The following EIF4G3 variants were observed in gnomAD, a reference collection of about 807,000 sequenced individuals.
EIF4G3 encodes the protein eukaryotic translation initiation factor 4 gamma 3.
A neutral mutation model predicts 186.4 loss-of-function variants in EIF4G3; 34 were observed. The ratio of observed to expected loss-of-function variants is 0.18; its 90% confidence interval spans 0.14 to 0.24. The LOEUF (loss-of-function observed/expected upper bound fraction) is 0.24. Ranked by LOEUF, EIF4G3 falls within the 10% of genes least tolerant of loss-of-function variation. The probability of loss-of-function intolerance (pLI) is 1.00; values close to 1 mark genes in which losing one functional copy is unlikely to be tolerated. For synonymous variants in EIF4G3, 673 were observed against 679.5 expected (o/e 0.99, Z 0.15); for missense variants, 1,536 against 1,948.5 (o/e 0.79, Z 3.99).
At chr1:21,096,350 T>C (rs958279590) in intron 2 of EIF4G3, among the ~76,000 whole-genome samples, 3 of 152,008 alleles carry the variant, frequency 2.0e-5, no homozygotes, top group African/African-American at 7.3e-5. Context: ...CACATGGAGG[T>C]AGAGTGTGGA....
chr1:21,139,612 A>C (rs1368885582), intron 2 of EIF4G3, among the ~76,000 whole-genome samples: 4 of 152,230 alleles, frequency 2.6e-5, no homozygotes, highest in African/African-American at 9.6e-5. Flanking sequence ...TGAACTCACT[A>C]CTGAGCATCC....
At chr1:21,073,819 T>G in intron 3 of EIF4G3, 1 of 313,206 alleles carries the variant, frequency 3.2e-6, no homozygotes, top group Admixed American at 3.6e-5. Context: ...TTTTTATTTT[T>G]TAATGGAGAC....
chr1:20,951,037 G>A (rs1264995645), intron 12 of EIF4G3, among the ~76,000 whole-genome samples: 1 of 152,010 alleles, frequency 6.6e-6, no homozygotes, highest in Non-Finnish European at 1.5e-5. Context: ...TGCTATCAGA[G>A]TAGAGCTCCC....
intron 2 of EIF4G3, among the ~76,000 whole-genome samples, chr1:21,097,065 A>G (rs756169446): frequency 2.0e-5 from 3 of 152,236 alleles, no homozygotes; most frequent in Admixed American, 6.5e-5. Flanking sequence ...ATACTTTACC[A>G]CAAAAAATAA....
At chr1:21,139,738 A>G (rs1373270722) in intron 2 of EIF4G3, among the ~76,000 whole-genome samples, 1 of 152,062 alleles carries the variant, frequency 6.6e-6, no homozygotes. Context: ...TTGCCAACTT[A>G]GAGTGCAGTG....
intron 12 of EIF4G3, among the ~76,000 whole-genome samples, chr1:20,966,179 A>G (rs1558474386): frequency 6.6e-6 from 1 of 152,152 alleles, no homozygotes; most frequent in Non-Finnish European, 1.5e-5. Flanking sequence ...AGCATAAGCA[A>G]TTATGTCTAA....
At chr1:21,154,229 A>C (rs1367588810) in intron 2 of EIF4G3, among the ~76,000 whole-genome samples, 1 of 152,202 alleles carries the variant, frequency 6.6e-6, no homozygotes, top group Non-Finnish European at 1.5e-5. Flanking sequence ...CAAACTCTCT[A>C]TATAGATCAC....
intron 4 of EIF4G3, among the ~76,000 whole-genome samples, chr1:21,039,746 T>A (rs1297367391): frequency 2.0e-5 from 3 of 152,132 alleles, no homozygotes; most frequent in Non-Finnish European, 2.9e-5. Flanking sequence ...ATAAAATATA[T>A]ATAAATCACA....
In EIF4G3 at chr1:21,132,113, G is replaced by A. The variant is rs2097164030; in HGVS notation, c.-271-42900C>T. ...TATAAATAATGTTCTCCGTATCAAA[G>A]TAAACATATTGTTAGATATTTTTAT... is the stretch of plus-strand genomic sequence containing the variant. On this transcript the variant is annotated intron_variant, in intron 2 of 36. Transcript: ENST00000602326. Among the ~76,000 whole-genome samples the A allele has an allele frequency of 2.0e-5, 3 of 152,084 alleles. No individual in the cohort carries two copies. In the South Asian group the frequency reaches 6.2e-4, roughly 32 times the overall value.
chr1:21,150,044 A>G (rs1038364262), intron 2 of EIF4G3, among the ~76,000 whole-genome samples: 1 of 152,264 alleles, frequency 6.6e-6, no homozygotes, highest in African/African-American at 2.4e-5. Flanking sequence ...TACAGTATGG[A>G]AATTCTTCCA....
chr1:20,882,579 T>C (rs1170525621), intron 19 of EIF4G3, among the ~76,000 whole-genome samples: 1 of 149,268 alleles, frequency 6.7e-6, no homozygotes, highest in Non-Finnish European at 1.5e-5. Flanking sequence ...TGAGATCGCG[T>C]CACTGTACTC....
chr1:21,081,240 G>T (rs1389534670), intron 3 of EIF4G3, among the ~76,000 whole-genome samples: 1 of 152,088 alleles, frequency 6.6e-6, no homozygotes, highest in Non-Finnish European at 1.5e-5. Flanking sequence ...AGACCATCAT[G>T]GCCAACATGG....
chr1:21,142,898 A>C (rs1042702854), intron 2 of EIF4G3, among the ~76,000 whole-genome samples: 2 of 152,340 alleles, frequency 1.3e-5, no homozygotes, highest in East Asian at 1.9e-4. Flanking sequence ...TTTCCAAAAA[A>C]TGGAAATAGA....
At chr1:20,917,192 T>C (rs150936265) in intron 14 of EIF4G3, among the ~76,000 whole-genome samples, 1 of 152,168 alleles carries the variant, frequency 6.6e-6, no homozygotes, top group Non-Finnish European at 1.5e-5. Context: ...TATATAAACA[T>C]GCTGAATGAA....
intron 4 of EIF4G3, among the ~76,000 whole-genome samples, chr1:21,006,425 ACTT>A (rs1218373971): frequency 6.6e-6 from 1 of 152,212 alleles, no homozygotes; most frequent in African/African-American, 2.4e-5. Flanking sequence ...CCAAATATTT[ACTT>A]CTTCAAGGAC....
intron 2 of EIF4G3, among the ~76,000 whole-genome samples, chr1:21,108,991 G>A (rs2096667700): frequency 6.6e-6 from 1 of 151,868 alleles, no homozygotes; most frequent in South Asian, 2.1e-4. Flanking sequence ...GATGAGGCGG[G>A]TGGATCGCAT....
chr1:21,015,756 G>GAAAAAAAAAA (rs71569803), intron 4 of EIF4G3, among the ~76,000 whole-genome samples: 1 of 132,136 alleles, frequency 7.6e-6, no homozygotes, highest in Admixed American at 7.9e-5. Flanking sequence ...TGAAAGGAAA[G>GAAAAAAAAAA]AAAAAAAAAA....
chr1:20,916,446 CA>C (rs1236617759), intron 14 of EIF4G3, among the ~76,000 whole-genome samples: 25 of 132,158 alleles, frequency 1.9e-4, no homozygotes, highest in East Asian at 6.6e-4. Context: ...GACTCTGTCT[CA>C]AAAAAAAAAA....
intron 24 of EIF4G3, among the ~76,000 whole-genome samples, 169 bp from the exon 25 acceptor site, chr1:20,857,666 G>GT (rs1557947623): frequency 6.6e-6 from 1 of 152,054 alleles, no homozygotes; most frequent in African/African-American, 2.4e-5. Flanking sequence ...GAAGCACCCT[G>GT]TATCAGCAGA....
Sources: gnomAD v4.1 joint callset for allele counts (sites outside exome capture counted in the v4.1 genomes callset) on GRCh38, gnomAD v4.1.1 for gene constraint, MANE v1.5 for transcripts, NCBI Gene and HGNC (gene_info 2026-07-23, HGNC 2026-07-21) for gene names.